MAPK8IP3: variants seen among roughly 807,000 people sequenced by gnomAD.
MAPK8IP3 encodes the protein mitogen-activated protein kinase 8 interacting protein 3.
MAPK8IP3 carries 49 observed loss-of-function variants against 157.8 expected under a neutral mutation model. The ratio of observed to expected loss-of-function variants is 0.31; its 90% confidence interval spans 0.25 to 0.39. MAPK8IP3 has a LOEUF of 0.39. Ranked by LOEUF, MAPK8IP3 falls within the 10% of genes least tolerant of loss-of-function variation. The probability of loss-of-function intolerance (pLI) is 1.00; values close to 1 mark genes in which losing one functional copy is unlikely to be tolerated. For synonymous variants in MAPK8IP3, 897 were observed against 777.7 expected, an observed-to-expected ratio of 1.15 and a Z score of -2.55; for missense variants, 1,478 against 1,889.4, an observed-to-expected ratio of 0.78 and a Z score of 4.04.
chr16:1,767,153 C>T lies in MAPK8IP3; in HGVS notation c.3093C>T (p.Gly1031=). 6.2e-7 allele frequency: 1 copy of T among 1,613,016 alleles called. No homozygotes were observed. The highest frequency in any genetic ancestry group is 8.5e-7 in the Non-Finnish European group (1 of 1,179,912). Residue 1031 remains glycine, a synonymous_variant, in exon 26 of 32, where the codon GGC becomes GGT. Transcript: ENST00000610761. ...GGTGTCCGGGGCTCCCTCCAGATGG[C>T]CAGTGGGATCTGAGCAACTATCACC... is the stretch of plus-strand genomic sequence containing the variant. The part of the protein sequence containing the change: ...TLAIFHRGED[G]QWDLSNYHLM...
intron 7 of MAPK8IP3, 96 bp downstream of exon 7, chr16:1,748,442 C>G: frequency 1.6e-6 from 2 of 1,221,994 alleles, no homozygotes; most frequent in Non-Finnish European, 2.4e-6. Context: ...ACTGGGAGAA[C>G]CATCAAGGCT....
At position 1,760,557 on chromosome 16, in the gene MAPK8IP3, G is replaced by C. The variant is rs114421080; in HGVS notation, c.1457+25G>C. Reference sequence around the variant, plus strand: ...GGTGAGGGCAGGGCATGGAAAGCTGGTCAGAGAGGGACCCCGGCCTCAGGG... The same window carrying C: ...GGTGAGGGCAGGGCATGGAAAGCTGCTCAGAGAGGGACCCCGGCCTCAGGG... On this transcript the variant is annotated intron_variant, in intron 12 of 31. Coordinates refer to ENST00000610761, the MANE Select transcript of MAPK8IP3 (RefSeq NM_001318852.2). 2,753 of 1,599,996 alleles carry C rather than the reference G, an allele frequency of 1.7e-3. 41 individuals carry two copies. The African/African-American group carries it at 0.033, about 19-fold the overall frequency.
At chr16:1,707,584 A>G (rs1037235998) in intron 1 of MAPK8IP3, 9 of 152,250 alleles carry the variant, frequency 5.9e-5, no homozygotes, top group African/African-American at 2.2e-4. Flanking sequence ...ACCGTCAGAT[A>G]CTGAGCTCGG....
intron 20 of MAPK8IP3, 49 bp from the exon 21 acceptor site, chr16:1,765,911 G>C (rs1356167202): frequency 2.0e-6 from 3 of 1,532,262 alleles, no homozygotes; most frequent in Non-Finnish European, 2.7e-6. Context: ...GCACGCCCTT[G>C]CAGTAGTGGG....
intron 1 of MAPK8IP3, among the ~76,000 whole-genome samples, chr16:1,721,790 G>C (rs1203476646): frequency 6.6e-6 from 1 of 151,758 alleles, no homozygotes; most frequent in Non-Finnish European, 1.5e-5. Flanking sequence ...TGTTTTTGGA[G>C]ACTGAGTCTT....
chr16:1,763,531 G>A, intron 16 of MAPK8IP3, 126 bp from the exon 17 acceptor site: 1 of 1,299,334 alleles, frequency 7.7e-7, no homozygotes, highest in South Asian at 1.9e-5. Context: ...GGCACCCGGT[G>A]GCCGGGAAAA....
chr16:1,713,666 G>C (rs1384067818), intron 1 of MAPK8IP3: 2 of 152,314 alleles, frequency 1.3e-5, no homozygotes, highest in East Asian at 1.9e-4. Flanking sequence ...AAACAGCAGA[G>C]AGGGGCTGAA....
rs763460366 is a variant in MAPK8IP3, at chr16:1,765,978, A to G, written c.2465A>G (p.Tyr822Cys). 1.2e-6 allele frequency: 2 copies of G among 1,612,088 alleles called. No homozygotes were observed. Among genetic ancestry groups the G allele is most frequent in the Non-Finnish European group, 1.7e-6 (2 of 1,179,580 alleles). The part of the protein sequence containing the change: ...SSIPAASDSD[Y>C]PPGEMFLDSD... ...TCCCCAGCGGCCAGCGACAGCGACT[A>G]CCCTCCCGGGGAGATGTTCCTGGAC... The change falls in exon 21 of 32, where the codon TAC becomes TGC. Residue 822 changes from tyrosine to cysteine, a missense_variant. Tyr to Cys is a radical substitution (Grantham distance 194). This residue lies in a region of MAPK8IP3 where 669 missense variants were observed against 759.8 expected (regional missense o/e 0.88). Transcript: ENST00000610761.
At chr16:1,763,113 C>T (rs117134693) in intron 16 of MAPK8IP3, 107 bp downstream of exon 16, 17,952 of 1,446,110 alleles carry the variant, frequency 0.012, 150 homozygotes, top group Non-Finnish European at 0.016. Context: ...GGGCAGCCTC[C>T]ACCTTGCTGG....
intron 4 of MAPK8IP3, among the ~76,000 whole-genome samples, chr16:1,740,161 C>G (rs1436193178): frequency 8.3e-6 from 1 of 119,770 alleles, no homozygotes; most frequent in African/African-American, 3.3e-5. Context: ...TGTGACCGTC[C>G]GTGTGAGCAT....
At chr16:1,768,148 CCA>C (rs754778035) in intron 29 of MAPK8IP3, 41 bp downstream of exon 29, 11 of 1,612,154 alleles carry the variant, frequency 6.8e-6, no homozygotes. Context: ...GGAGCCTCTC[CCA>C]CTCTCCACCT....
rs999534608 is a variant in MAPK8IP3, at chr16:1,724,210, G to A, written c.319-347G>A. Among the ~76,000 whole-genome samples the A allele has an allele frequency of 6.6e-6, 1 of 152,258 alleles. No individual in the cohort carries two copies. The highest frequency in any genetic ancestry group is 1.5e-5 in the Non-Finnish European group (1 of 68,034). On this transcript the variant is annotated intron_variant, in intron 1 of 31. Coordinates refer to ENST00000610761, the MANE Select transcript of MAPK8IP3 (RefSeq NM_001318852.2). The surrounding 1 kb of genome is among the most constrained non-coding windows in gnomAD (Gnocchi z 4.1). ...CCAAGCCAAGCATTGGGCCTTCTGAGTGCAGGGCCCCGCATTGCTGCCCGG... is the reference window on the plus strand; with the variant it reads ...CCAAGCCAAGCATTGGGCCTTCTGAATGCAGGGCCCCGCATTGCTGCCCGG...
intron 9 of MAPK8IP3, among the ~76,000 whole-genome samples, 189 bp downstream of exon 9, chr16:1,758,348 C>G (rs1161882269): frequency 6.6e-6 from 1 of 152,224 alleles, no homozygotes; most frequent in African/African-American, 2.4e-5. Context: ...AGCCACTTGA[C>G]AATGACCTGG....
chr16:1,739,170 C>CCATCCATGTGAG, intron 4 of MAPK8IP3, among the ~76,000 whole-genome samples: 1 of 109,632 alleles, frequency 9.1e-6, no homozygotes, highest in African/African-American at 3.6e-5. Flanking sequence ...GTGAGTGTGA[C>CCATCCATGTGAG]CATCCATGTG....
rs888107907 is a variant in MAPK8IP3, at chr16:1,724,863, G to A, written c.439+186G>A. Among the ~76,000 whole-genome samples the A allele has an allele frequency of 9.2e-5, 14 of 152,202 alleles. No homozygotes were observed. The highest frequency in any genetic ancestry group is 3.4e-4 in the African/African-American group (14 of 41,448). On this transcript the variant is annotated intron_variant, in intron 2 of 31. Transcript: ENST00000610761. This position sits in a 1 kb window ranked among gnomAD's most constrained non-coding sequence, Gnocchi z 4.1. The stretch of plus-strand genomic sequence containing the variant: ...TGTAATGGGCCCCAGATTGTGTGTG[G>A]AAATAAGTAAATCAGGCCACTGTGG...
chr16:1,766,322 A>C lies in MAPK8IP3; in HGVS notation c.2732A>C (p.Glu911Ala), dbSNP rs1283180295. The change falls in exon 22 of 32, where the codon GAG becomes GCG. Residue 911 changes from glutamate to alanine, a missense_variant. By Grantham distance (107) the Glu-to-Ala change is moderately radical (BLOSUM62 -1). Around this residue, in one of 11 missense-constraint regions of MAPK8IP3, gnomAD observed 669 missense variants for 759.8 expected, o/e 0.88. Coordinates refer to ENST00000610761, the MANE Select transcript of MAPK8IP3 (RefSeq NM_001318852.2). ...CCAGACCCTGGGCCCAGCGAGCCAG[A>C]GACAGCCACATTGCGGCCCGGGCCT... The part of the protein sequence containing the change: ...EVPDPGPSEP[E>A]TATLRPGPLT... 1 of 1,612,714 alleles carries C rather than the reference A, an allele frequency of 6.2e-7. No homozygotes were observed. The highest frequency in any genetic ancestry group is 8.5e-7 in the Non-Finnish European group (1 of 1,179,992).
At chr16:1,716,935 T>G (rs1457755826) in intron 1 of MAPK8IP3, among the ~76,000 whole-genome samples, 1 of 151,950 alleles carries the variant, frequency 6.6e-6, no homozygotes, top group Non-Finnish European at 1.5e-5. Flanking sequence ...GGTGGGCGCC[T>G]GTGATCCCAT....
At chr16:1,767,377 C>A in intron 26 of MAPK8IP3, 80 bp downstream of exon 26, 1 of 1,580,860 alleles carries the variant, frequency 6.3e-7, no homozygotes, top group Non-Finnish European at 8.6e-7. Flanking sequence ...ATACGGAAGT[C>A]CACGAGGCCC....
chr16:1,736,767 C>A (rs1167628204), intron 4 of MAPK8IP3, among the ~76,000 whole-genome samples: 3 of 55,072 alleles, frequency 5.4e-5, no homozygotes, highest in Middle Eastern at 0.015. Flanking sequence ...TCCGTGTGAC[C>A]GTCTGTGTGA....
Sources: gnomAD v4.1 joint callset for allele counts (sites outside exome capture counted in the v4.1 genomes callset) on GRCh38, gnomAD v4.1.1 for gene constraint, gnomAD v4.1.1 regional missense constraint, Gnocchi (gnomAD v3.1) non-coding constraint, MANE v1.5 for transcripts, NCBI Gene and HGNC (gene_info 2026-07-23, HGNC 2026-07-21) for gene names.